LACTB2: variants seen among roughly 807,000 people sequenced by gnomAD.
The protein encoded by LACTB2 is lactamase beta 2.
In LACTB2, 32 loss-of-function variants were observed where a neutral mutation model predicts 34.8. That is an observed-to-expected ratio of 0.92 (90% CI 0.69 to 1.24). LACTB2 has a LOEUF of 1.24. LACTB2 is among the 50% of genes most tolerant of loss of function. The pLI is 0.00. For missense variants in LACTB2, 320 were observed against 345.0 expected, an observed-to-expected ratio of 0.93 and a Z score of 0.57; for synonymous variants, 120 against 117.5, an observed-to-expected ratio of 1.02 and a Z score of -0.14.
At chr8:70,663,953 T>C (rs1164972711) in intron 1 of LACTB2, among the ~76,000 whole-genome samples, 1 of 152,240 alleles carries the variant, frequency 6.6e-6, no homozygotes, top group African/African-American at 2.4e-5. Context: ...ATATCCATAA[T>C]ACATTGTACT....
In LACTB2 at chr8:70,644,084, T is replaced by C. The variant is rs775037613; in HGVS notation, c.573A>G (p.Lys191=). Reference sequence around the variant, plus strand: ...ACCCACCTGGATATATAATATCAGCTTTGATTTTCAATAACTCTTTTAAAG... The same window carrying C: ...ACCCACCTGGATATATAATATCAGCCTTGATTTTCAATAACTCTTTTAAAG... ...MNSLKELLKI[K]ADIIYPGHGP... The change falls in exon 4 of 7, where the codon AAA becomes AAG. Residue 191 remains lysine, a synonymous_variant. Coordinates refer to ENST00000276590, the MANE Select transcript of LACTB2 (RefSeq NM_016027.3). 1.3e-6 allele frequency: 2 copies of C among 1,576,798 alleles called. No homozygotes were observed. Among genetic ancestry groups the C allele is most frequent in the East Asian group, 4.5e-5 (2 of 44,218 alleles).
rs201551945 is a variant in LACTB2 at position 70,657,723 on chromosome 8, T to C, written c.413+33A>G. 2.5e-6 allele frequency: 4 copies of C among 1,588,050 alleles called. No homozygotes were observed. In the East Asian group the frequency reaches 9.1e-5, roughly 36 times the overall value. On this transcript the variant is annotated intron_variant, in intron 3 of 6. Coordinates refer to ENST00000276590, the MANE Select transcript of LACTB2 (RefSeq NM_016027.3). ...TTCTATAACACACATACACAGACTC[T>C]TCACCTTCCCTGGCTAAGGGACATT...
chr8:70,652,089 A>G (rs1236700782), intron 3 of LACTB2, among the ~76,000 whole-genome samples: 2 of 152,008 alleles, frequency 1.3e-5, no homozygotes, highest in Non-Finnish European at 2.9e-5. Context: ...TTTTTACTGC[A>G]AGGGTTCTTG....
intron 3 of LACTB2, among the ~76,000 whole-genome samples, chr8:70,653,050 A>G (rs969287359): frequency 2.0e-5 from 3 of 152,340 alleles, no homozygotes; most frequent in South Asian, 4.1e-4. Flanking sequence ...AAGTAGTAAT[A>G]TAACATTTGT....
At chr8:70,662,522 G>A (rs564498840) in intron 1 of LACTB2, 5 of 152,190 alleles carry the variant, frequency 3.3e-5, no homozygotes, top group African/African-American at 1.2e-4. Flanking sequence ...AAAAACATCT[G>A]AGCTATTTTC....
At chr8:70,643,102 T>C (rs747953511) in intron 4 of LACTB2, among the ~76,000 whole-genome samples, 3 of 152,092 alleles carry the variant, frequency 2.0e-5, no homozygotes, top group Non-Finnish European at 2.9e-5. Flanking sequence ...AATAACTGTA[T>C]GTTGAAAAAT....
chr8:70,650,653 C>T (rs1205493475), intron 3 of LACTB2, among the ~76,000 whole-genome samples: 9 of 150,122 alleles, frequency 6.0e-5, no homozygotes, highest in Admixed American at 3.3e-4. Flanking sequence ...TTGCTGGAAC[C>T]CAGGAGGCGG....
intron 1 of LACTB2, among the ~76,000 whole-genome samples, chr8:70,668,374 C>A (rs770857890): frequency 3.9e-5 from 6 of 152,130 alleles, no homozygotes; most frequent in Non-Finnish European, 5.9e-5. Flanking sequence ...TAAACAAGAG[C>A]AAAAGTATCT....
intron 3 of LACTB2, among the ~76,000 whole-genome samples, chr8:70,652,168 AACTGGCCAATGAATACATG>A (rs1370449249): frequency 6.6e-5 from 10 of 152,208 alleles, no homozygotes; most frequent in African/African-American, 2.4e-4. Context: ...AGGCAAGATC[AACTGGCCAATGAATACATG>A]AGGACTGAGG....
chr8:70,646,805 G>C (rs981079947), intron 3 of LACTB2: 5 of 152,164 alleles, frequency 3.3e-5, no homozygotes, highest in Admixed American at 2.0e-4. Flanking sequence ...TTAATTCTCT[G>C]TACTGGTCAC....
intron 1 of LACTB2, 113 bp downstream of exon 1, chr8:70,668,886 C>T: frequency 7.0e-7 from 1 of 1,435,984 alleles, no homozygotes; most frequent in Non-Finnish European, 9.3e-7. Flanking sequence ...CGCGGGGCTG[C>T]CCAGCTAGGG....
chr8:70,645,798 T>C (rs901493914), intron 3 of LACTB2, among the ~76,000 whole-genome samples: 3 of 151,966 alleles, frequency 2.0e-5, no homozygotes, highest in Admixed American at 6.6e-5. Context: ...TCCAGCTTCA[T>C]CCATGTCCCT....
intron 1 of LACTB2, chr8:70,662,291 C>T (rs1818489756): frequency 6.4e-6 from 1 of 155,306 alleles, no homozygotes; most frequent in African/African-American, 2.4e-5. Context: ...GCAGAAACAG[C>T]TTTCAAACCC....
chr8:70,668,038 G>A (rs1421697215), intron 1 of LACTB2, among the ~76,000 whole-genome samples: 1 of 152,114 alleles, frequency 6.6e-6, no homozygotes, highest in African/African-American at 2.4e-5. Context: ...ACCTGACCCT[G>A]CCTTATTTAC....
Position 70,669,163 on chromosome 8 carries a change from T to G in LACTB2, c.-43A>C, listed in dbSNP as rs2132085376. The G allele has an allele frequency of 6.2e-7, 1 of 1,602,590 alleles. No homozygotes were observed. Among genetic ancestry groups the G allele is most frequent in the Non-Finnish European group, 8.5e-7 (1 of 1,174,158 alleles). On this transcript the variant is annotated 5_prime_UTR_variant, in exon 1 of 7. Coordinates refer to ENST00000276590, the MANE Select transcript of LACTB2 (RefSeq NM_016027.3). ...GCCGGCGTGTCGCCTATCTGGATACTCCAGCGCGGAAGAAGCCAACAGGCC... is the reference window on the plus strand; with the variant it reads ...GCCGGCGTGTCGCCTATCTGGATACGCCAGCGCGGAAGAAGCCAACAGGCC...
chr8:70,649,521 G>A (rs1411869385), intron 3 of LACTB2, among the ~76,000 whole-genome samples: 1 of 152,096 alleles, frequency 6.6e-6, no homozygotes, highest in Admixed American at 6.5e-5. Flanking sequence ...TTTACTACAC[G>A]GTTCAGCTGT....
chr8:70,667,893 TAG>T (rs1055265216), intron 1 of LACTB2, among the ~76,000 whole-genome samples: 1 of 152,200 alleles, frequency 6.6e-6, no homozygotes, highest in Non-Finnish European at 1.5e-5. Context: ...TGACACACTG[TAG>T]AGAGACCGCC....
intron 4 of LACTB2, among the ~76,000 whole-genome samples, chr8:70,643,826 C>T (rs995110407): frequency 1.3e-5 from 2 of 152,104 alleles, no homozygotes; most frequent in African/African-American, 4.8e-5. Context: ...TATGTTATCT[C>T]TTCAAGGCCA....
chr8:70,654,904 TAA>T (rs1249698042), intron 3 of LACTB2: 1 of 152,270 alleles, frequency 6.6e-6, no homozygotes, highest in Non-Finnish European at 1.5e-5. Flanking sequence ...ATTTTTTCCA[TAA>T]GTTATTGGGG....
Sources: gnomAD v4.1 joint callset for allele counts (sites outside exome capture counted in the v4.1 genomes callset) on GRCh38, gnomAD v4.1.1 for gene constraint, MANE v1.5 for transcripts, NCBI Gene and HGNC (gene_info 2026-07-23, HGNC 2026-07-21) for gene names.